UNC5B: variants seen among roughly 807,000 people sequenced by gnomAD.
The protein encoded by UNC5B is netrin receptor UNC5B.
In UNC5B, 56 loss-of-function variants were observed where a neutral mutation model predicts 103.7. That is an observed-to-expected ratio of 0.54 (90% confidence interval 0.44 to 0.67). UNC5B has a LOEUF of 0.67. UNC5B is among the 30% of genes least tolerant of loss of function. The probability of loss-of-function intolerance (pLI) is 0.00; values close to 1 mark genes in which losing one functional copy is unlikely to be tolerated. For missense variants in UNC5B, 1,194 were observed against 1,284.5 expected (o/e 0.93, Z 1.08); for synonymous variants, 577 against 542.0 (o/e 1.06, Z -0.90).
intron 1 of UNC5B, among the ~76,000 whole-genome samples, chr10:71,227,611 C>CAT (rs1285415267): frequency 7.8e-6 from 1 of 127,452 alleles, no homozygotes. Flanking sequence ...TACATATATA[C>CAT]ATATATATAC....
intron 1 of UNC5B, among the ~76,000 whole-genome samples, chr10:71,260,674 TAAAG>T (rs990080467): frequency 6.6e-6 from 1 of 152,180 alleles, no homozygotes; most frequent in African/African-American, 2.4e-5. Context: ...CCGTCCTCAT[TAAAG>T]AGCCTCGGCA....
At position 71,213,094 on chromosome 10, in the gene UNC5B, G is replaced by A; in HGVS notation, c.79+30G>A. ...GAAGCGATCGGGTCTGGGGGCGCGG[G>A]GCTAGGGGACCCTTGCGCCTCACTC... On this transcript the variant is annotated intron_variant, in intron 1 of 16. Coordinates refer to ENST00000335350, the MANE Select transcript of UNC5B (RefSeq NM_170744.5). The surrounding 1 kb of genome is among the most constrained non-coding windows in gnomAD (Gnocchi z 4.1). 1 of 1,279,106 alleles carries A rather than the reference G, an allele frequency of 7.8e-7. No individual in the cohort carries two copies. The highest frequency in any genetic ancestry group is 2.9e-5 in the South Asian group (1 of 34,292). The allele number at this position is 1,279,106 out of a possible 1,614,324, so 79.2% of individuals were successfully genotyped here. A position where few individuals can be genotyped will look rare whatever the true frequency, so the allele number is the denominator to read the frequency against.
chr10:71,244,551 T>C (rs893409174), intron 1 of UNC5B, among the ~76,000 whole-genome samples: 2 of 152,164 alleles, frequency 1.3e-5, no homozygotes, highest in Non-Finnish European at 2.9e-5. Context: ...TTGCCCTAAG[T>C]TTGCCCCTAC....
At chr10:71,286,353 T>A (rs564637919) in intron 4 of UNC5B, among the ~76,000 whole-genome samples, 2 of 152,222 alleles carry the variant, frequency 1.3e-5, no homozygotes, top group Non-Finnish European at 2.9e-5. Flanking sequence ...CCTATTTAGT[T>A]AGTTTAACTC....
At chr10:71,230,012 G>T (rs1168145129) in intron 1 of UNC5B, among the ~76,000 whole-genome samples, 1 of 152,084 alleles carries the variant, frequency 6.6e-6, no homozygotes, top group Non-Finnish European at 1.5e-5. Context: ...GCCCTTTTAT[G>T]GCTGGGCAAA....
intron 1 of UNC5B, among the ~76,000 whole-genome samples, chr10:71,221,747 C>T (rs1215951832): frequency 6.6e-6 from 1 of 152,096 alleles, no homozygotes; most frequent in African/African-American, 2.4e-5. Flanking sequence ...AGGGGTCTTG[C>T]GCGATGTTTA....
At chr10:71,226,412 C>T (rs12570384) in intron 1 of UNC5B, among the ~76,000 whole-genome samples, 12,525 of 152,292 alleles carry the variant, frequency 0.082, 664 homozygotes, top group East Asian at 0.13. Context: ...AGCCAGATAA[C>T]ACCACCCATG....
chr10:71,292,396 CT>C, intron 10 of UNC5B, 70 bp from the exon 11 acceptor site: 2 of 1,351,822 alleles, frequency 1.5e-6, no homozygotes, highest in Non-Finnish European at 2.1e-6. Flanking sequence ...CAGCCCCAAG[CT>C]GGGGCCAACT....
intron 11 of UNC5B, 43 bp from the exon 12 acceptor site, chr10:71,293,362 C>T (rs368024518): frequency 1.5e-4 from 239 of 1,568,218 alleles, no homozygotes; most frequent in Non-Finnish European, 1.9e-4. Context: ...GCACCTTTGC[C>T]GAGCTCTTCA....
In UNC5B at chr10:71,293,746, G is replaced by T. The variant is rs1275014798; in HGVS notation, c.1988G>T (p.Cys663Phe). 1.9e-6 allele frequency: 3 copies of T among 1,593,664 alleles called. No homozygotes were observed. Among genetic ancestry groups the T allele is most frequent in the Non-Finnish European group, 2.6e-6 (3 of 1,169,924 alleles). The change falls in exon 13 of 17, where the codon TGC (cysteine) becomes TTC (phenylalanine). Residue 663 changes from cysteine (C) to phenylalanine (F), a missense_variant. Coordinates refer to ENST00000335350, the MANE Select transcript of UNC5B (RefSeq NM_170744.5). ...GAGACCCTGAACACACCCTGCTACTGCCAGCTGGAGCCCAGGGCCTGTCAC... is the reference window on the plus strand; with the variant it reads ...GAGACCCTGAACACACCCTGCTACTTCCAGCTGGAGCCCAGGGCCTGTCAC... ...DEETLNTPCY[C>F]QLEPRACHIL...
intron 1 of UNC5B, among the ~76,000 whole-genome samples, chr10:71,244,265 G>A (rs930761018): frequency 1.3e-5 from 2 of 152,376 alleles, no homozygotes; most frequent in East Asian, 3.9e-4. Context: ...ACAGGGTGGT[G>A]GCAGGTTCAT....
In UNC5B at chr10:71,291,797, G is replaced by A. The variant is rs1169954529; in HGVS notation, c.1660G>A (p.Gly554Arg). ...CAGCGGCACCTTTGGCTGCCTGGGTGGGAGGCTCAGCATCCCCGGCACAGG... is the reference window on the plus strand; with the variant it reads ...CAGCGGCACCTTTGGCTGCCTGGGTAGGAGGCTCAGCATCCCCGGCACAGG... ...SVSGTFGCLG[G>R]RLSIPGTGVS... The change falls in exon 10 of 17, where the codon GGG (glycine) becomes AGG (arginine). Residue 554 changes from glycine to arginine, a missense_variant. Gly to Arg is a moderately radical substitution (Grantham distance 125). Coordinates refer to ENST00000335350, the MANE Select transcript of UNC5B (RefSeq NM_170744.5). 2 of 1,602,224 alleles carry A rather than the reference G, an allele frequency of 1.2e-6. No individual in the cohort carries two copies. The highest frequency in any genetic ancestry group is 3.3e-5 in the Admixed American group (2 of 59,806).
intron 1 of UNC5B, among the ~76,000 whole-genome samples, chr10:71,244,364 T>A (rs1469852402): frequency 6.6e-6 from 1 of 152,064 alleles, no homozygotes; most frequent in Non-Finnish European, 1.5e-5. Flanking sequence ...TAAACTTGGG[T>A]GTTAAGGTTT....
chr10:71,234,903 G>T (rs1843745920), intron 1 of UNC5B, among the ~76,000 whole-genome samples: 1 of 152,178 alleles, frequency 6.6e-6, no homozygotes, highest in Non-Finnish European at 1.5e-5. Flanking sequence ...CATCCTAAAA[G>T]CTGGGTTGAG....
chr10:71,288,702 AAG>A lies in UNC5B; in HGVS notation c.1038_1039del (p.Asn347LeufsTer10), dbSNP rs1564511046. The A allele has an allele frequency of 1.2e-6, 2 of 1,613,554 alleles. No individual in the cohort carries two copies. Among genetic ancestry groups the A allele is most frequent in the Non-Finnish European group, 1.7e-6 (2 of 1,179,840 alleles). Reference sequence around the variant, plus strand: ...CTGCAGCGGGACGCTGCTCGACTCTAAGAACTGCACAGATGGGCTGTGCATGC... The same window carrying A: ...CTGCAGCGGGACGCTGCTCGACTCTAAACTGCACAGATGGGCTGTGCATGC... ...RDCSGTLLDS[K>X]NCTDGLCMQN... On this transcript the variant is annotated frameshift_variant, in exon 7 of 17. Transcript: ENST00000335350. LOFTEE classifies it high-confidence loss of function.
chr10:71,238,929 C>G (rs1049536516), intron 1 of UNC5B, among the ~76,000 whole-genome samples: 2 of 152,130 alleles, frequency 1.3e-5, no homozygotes, highest in Non-Finnish European at 2.9e-5. Flanking sequence ...CAGGTGTGCA[C>G]CATCATGCCT....
At position 71,298,095 on chromosome 10, in the gene UNC5B, G is replaced by C; in HGVS notation, c.2672+5G>C. 1 of 1,598,454 alleles carries C rather than the reference G, an allele frequency of 6.3e-7. No individual in the cohort carries two copies. The highest frequency in any genetic ancestry group is 8.5e-7 in the Non-Finnish European group (1 of 1,172,888). On this transcript the variant is annotated splice_donor_5th_base_variant and intron_variant, in intron 16 of 16. Transcript: ENST00000335350. ...ACAGAAGCTCTCTATGGACCGGTGAGTATCCCAAACCACAGCCCATCCCCA... is the reference window on the plus strand; with the variant it reads ...ACAGAAGCTCTCTATGGACCGGTGACTATCCCAAACCACAGCCCATCCCCA...
intron 8 of UNC5B, among the ~76,000 whole-genome samples, chr10:71,289,410 C>T (rs1845188474): frequency 6.6e-6 from 1 of 152,184 alleles, no homozygotes; most frequent in Non-Finnish European, 1.5e-5. Context: ...CCCTCATGCC[C>T]CTTGCTGTAC....
At chr10:71,291,952 G>A (rs1845276133) in intron 10 of UNC5B, 131 bp downstream of exon 10, 1 of 1,344,310 alleles carries the variant, frequency 7.4e-7, no homozygotes, top group Non-Finnish European at 9.8e-7. Flanking sequence ...AGGCCTGAAG[G>A]CAGGAAGTGA....
Sources: gnomAD v4.1 joint callset for allele counts (sites outside exome capture counted in the v4.1 genomes callset) on GRCh38, gnomAD v4.1.1 for gene constraint, Gnocchi (gnomAD v3.1) non-coding constraint, MANE v1.5 for transcripts, NCBI Gene and HGNC (gene_info 2026-07-23, HGNC 2026-07-21) for gene names.